Variants in DCLK1 observed in about 807,000 individuals in gnomAD.
DCLK1 encodes the protein serine/threonine-protein kinase DCLK1.
Under a neutral mutation model 86.2 loss-of-function variants are expected in DCLK1, and 16 were observed. That is an observed-to-expected ratio of 0.19 (90% confidence interval 0.13 to 0.28). DCLK1 has a LOEUF of 0.28. Ranked by LOEUF, DCLK1 falls within the 10% of genes least tolerant of loss-of-function variation. DCLK1 has a pLI of 1.00. For missense variants in DCLK1, 590 were observed against 940.2 expected, an observed-to-expected ratio of 0.63 and a Z score of 4.87; for synonymous variants, 369 against 370.5, an observed-to-expected ratio of 1.00 and a Z score of 0.05.
chr13:36,090,765 G>A (rs747004045), intron 3 of DCLK1, among the ~76,000 whole-genome samples: 1 of 152,106 alleles, frequency 6.6e-6, no homozygotes. Context: ...GAATGCTCTC[G>A]TGAGGTCAGT....
At chr13:36,027,512 C>T (rs1001797240) in intron 3 of DCLK1, among the ~76,000 whole-genome samples, 1 of 152,152 alleles carries the variant, frequency 6.6e-6, no homozygotes, top group African/African-American at 2.4e-5. Flanking sequence ...GGAAATATTA[C>T]AGAGCTTTGG....
At position 35,772,593 on chromosome 13, in the gene DCLK1, C is replaced by G. The variant is rs1285394849; in HGVS notation, c.*1942G>C. The G allele has an allele frequency of 6.6e-6, 1 of 151,850 alleles. No homozygotes were observed. Among genetic ancestry groups the G allele is most frequent in the Non-Finnish European group, 1.5e-5 (1 of 68,008 alleles). 9.4% of individuals were successfully genotyped at this position (151,850 alleles called of 1,614,324 possible). A position where few individuals can be genotyped will look rare whatever the true frequency, so the allele number is the denominator to read the frequency against. On this transcript the variant is annotated 3_prime_UTR_variant, in exon 17 of 17. Transcript: ENST00000360631. ...GTGCCCCCTACCCCCACCTCCCCCCCAAAAACAACTCAACTAATTTACTGA... is the reference window on the plus strand; with the variant it reads ...GTGCCCCCTACCCCCACCTCCCCCCGAAAAACAACTCAACTAATTTACTGA...
chr13:35,927,897 A>G (rs1876214853), intron 4 of DCLK1, among the ~76,000 whole-genome samples: 1 of 152,154 alleles, frequency 6.6e-6, no homozygotes, highest in African/African-American at 2.4e-5. Context: ...CTAGCAGCTG[A>G]GTGAGCCTCC....
chr13:35,876,416 A>C (rs1487349020), intron 4 of DCLK1, among the ~76,000 whole-genome samples: 2 of 152,264 alleles, frequency 1.3e-5, no homozygotes, highest in Non-Finnish European at 2.9e-5. Context: ...AATCCAGCTG[A>C]AGAATATTGC....
At chr13:35,868,069 CTGG>C (rs1871986386) in intron 5 of DCLK1, among the ~76,000 whole-genome samples, 1 of 140,998 alleles carries the variant, frequency 7.1e-6, no homozygotes, top group Non-Finnish European at 1.5e-5. Context: ...GTTGCCCAGG[CTGG>C]AGTGCAGTGG....
At chr13:35,963,949 G>T (rs994157772) in intron 3 of DCLK1, among the ~76,000 whole-genome samples, 7 of 152,134 alleles carry the variant, frequency 4.6e-5, no homozygotes, top group Non-Finnish European at 8.8e-5. Flanking sequence ...TGTGAAAACA[G>T]ACTAATACAA....
chr13:35,953,649 G>A (rs868207521), intron 3 of DCLK1, among the ~76,000 whole-genome samples: 2 of 152,098 alleles, frequency 1.3e-5, no homozygotes, highest in South Asian at 2.1e-4. Flanking sequence ...CTGAGCTTCC[G>A]GCCTGTGTTG....
chr13:35,930,217 C>T (rs1004419841), intron 4 of DCLK1, among the ~76,000 whole-genome samples: 10 of 152,154 alleles, frequency 6.6e-5, no homozygotes, highest in African/African-American at 2.2e-4. Context: ...TTTGTTTAAA[C>T]CCAAGAATAC....
intron 2 of DCLK1, among the ~76,000 whole-genome samples, chr13:36,118,557 T>C (rs1217163823): frequency 6.6e-6 from 1 of 152,022 alleles, no homozygotes; most frequent in Non-Finnish European, 1.5e-5. Flanking sequence ...ATATTAAATT[T>C]GAAGTTCCTA....
intron 3 of DCLK1, among the ~76,000 whole-genome samples, chr13:36,095,973 T>C (rs1393570995): frequency 6.6e-6 from 1 of 152,206 alleles, no homozygotes; most frequent in Non-Finnish European, 1.5e-5. Flanking sequence ...AATCACTATT[T>C]TATTTAATTT....
chr13:35,885,852 T>A (rs1372170620), intron 4 of DCLK1, among the ~76,000 whole-genome samples: 1 of 152,196 alleles, frequency 6.6e-6, no homozygotes, highest in Non-Finnish European at 1.5e-5. Context: ...TTGGGAATAC[T>A]TTTGATTGCT....
At chr13:35,962,060 A>T (rs1461015186) in intron 3 of DCLK1, among the ~76,000 whole-genome samples, 2 of 152,148 alleles carry the variant, frequency 1.3e-5, no homozygotes, top group Admixed American at 1.3e-4. Context: ...GTTAACAAAA[A>T]TTTTTCAGCT....
intron 3 of DCLK1, among the ~76,000 whole-genome samples, chr13:35,974,138 C>T (rs944434597): frequency 2.0e-5 from 3 of 152,204 alleles, no homozygotes; most frequent in Admixed American, 6.5e-5. Flanking sequence ...GAAAAAGTAA[C>T]TAACATTCGT....
At chr13:35,851,568 A>G (rs1183069085) in intron 6 of DCLK1, among the ~76,000 whole-genome samples, 1 of 152,152 alleles carries the variant, frequency 6.6e-6, no homozygotes, top group Non-Finnish European at 1.5e-5. Context: ...TTCAGCCTAC[A>G]TAACACAACA....
chr13:35,898,597 G>A (rs951620892), intron 4 of DCLK1, among the ~76,000 whole-genome samples: 4 of 152,196 alleles, frequency 2.6e-5, no homozygotes, highest in Non-Finnish European at 4.4e-5. Flanking sequence ...AGGAAATTGT[G>A]AATTATCACT....
chr13:36,103,404 T>TA (rs71084406), intron 3 of DCLK1, among the ~76,000 whole-genome samples: 1,578 of 109,042 alleles, frequency 0.014, 26 homozygotes, highest in African/African-American at 0.042. Context: ...ACACCTGTCT[T>TA]AAAAAAAAAA....
At chr13:35,855,489 G>A (rs1250959546) in intron 5 of DCLK1, 2 of 1,596,080 alleles carry the variant, frequency 1.3e-6, no homozygotes, top group East Asian at 2.2e-5. Flanking sequence ...ACAAGGGAGA[G>A]CAGCAATGCA....
chr13:35,782,719 C>T (rs1446301891), intron 16 of DCLK1, among the ~76,000 whole-genome samples: 1 of 152,154 alleles, frequency 6.6e-6, no homozygotes, highest in Non-Finnish European at 1.5e-5. Context: ...TATTGAAGGC[C>T]TCTTCTACTA....
intron 4 of DCLK1, among the ~76,000 whole-genome samples, chr13:35,883,005 G>T (rs905407638): frequency 1.3e-5 from 2 of 152,136 alleles, no homozygotes; most frequent in Admixed American, 6.5e-5. Context: ...AAGGTCTCTT[G>T]GTGTTGATGA....
Sources: allele counts gnomAD v4.1 joint callset (sites outside exome capture counted in the v4.1 genomes callset), GRCh38; gene constraint gnomAD v4.1.1; transcripts MANE v1.5; gene names NCBI Gene and HGNC (gene_info 2026-07-23, HGNC 2026-07-21).